EYS: variants seen among roughly 807,000 people sequenced by gnomAD.
EYS encodes the protein EGF-like photoreceptor maintenance factor, also known as protein eyes shut homolog.
EYS carries 250 observed loss-of-function variants against 282.1 expected under a neutral mutation model. The observed-to-expected ratio is 0.89, with a 90% CI of 0.80 to 0.98. EYS has a LOEUF of 0.98. EYS is among the 50% of genes least tolerant of loss of function. The pLI is 0.00. For missense variants in EYS, 4,016 were observed against 3,709.0 expected (o/e 1.08, Z -2.15); for synonymous variants, 1,355 against 1,282.9 (o/e 1.06, Z -1.20).
intron 12 of EYS, among the ~76,000 whole-genome samples, chr6:65,278,060 T>TTCTTTTCTTTTCTTTTC: frequency 1.4e-5 from 2 of 142,808 alleles, no homozygotes; most frequent in South Asian, 2.2e-4. Context: ...TTCTTTTCTT[T>TTCTTTTCTTTTCTTTTC]TTTTCTGCCT....
intron 12 of EYS, among the ~76,000 whole-genome samples, chr6:65,221,037 C>T (rs1169719154): frequency 6.6e-6 from 1 of 152,124 alleles, no homozygotes; most frequent in Non-Finnish European, 1.5e-5. Flanking sequence ...CAAGAAGTGA[C>T]TTGGGTACTG....
intron 5 of EYS, among the ~76,000 whole-genome samples, chr6:65,476,699 C>T (rs557581208): frequency 3.3e-5 from 5 of 152,036 alleles, no homozygotes; most frequent in Non-Finnish European, 5.9e-5. Flanking sequence ...GCCTCAGCCT[C>T]CCGAGTAGCT....
chr6:64,849,836 T>G (rs986964889), intron 19 of EYS, among the ~76,000 whole-genome samples: 2 of 151,774 alleles, frequency 1.3e-5, no homozygotes, highest in Admixed American at 6.6e-5. Flanking sequence ...CTTCCCCTTA[T>G]GTTCACCAGC....
At chr6:65,255,861 A>C (rs373067929) in intron 12 of EYS, among the ~76,000 whole-genome samples, 2 of 152,108 alleles carry the variant, frequency 1.3e-5, no homozygotes, top group African/African-American at 2.4e-5. Flanking sequence ...AATGCTGATG[A>C]GGATGTGAGG....
chr6:64,920,915 G>A (rs1004396759), intron 15 of EYS, among the ~76,000 whole-genome samples: 2 of 152,058 alleles, frequency 1.3e-5, no homozygotes, highest in African/African-American at 4.8e-5. Context: ...AGCATGTCAG[G>A]TGTTTCATAT....
rs899388799 is a variant in EYS at position 64,936,530 on chromosome 6, C to T, written c.2381+9263G>A. ...TCTCCATTATCAGATATTAAAAATCCTAAGGAATCGACCAAAAATTATTAT... is the reference window on the plus strand; with the variant it reads ...TCTCCATTATCAGATATTAAAAATCTTAAGGAATCGACCAAAAATTATTAT... On this transcript the variant is annotated intron_variant, in intron 15 of 42. Coordinates refer to ENST00000503581, the MANE Select transcript of EYS (RefSeq NM_001142800.2). 2.6e-5 allele frequency among the ~76,000 whole-genome samples: 4 copies of T among 151,286 alleles called. No homozygotes were observed. In the Admixed American group the frequency reaches 2.6e-4, roughly 10 times the overall value.
chr6:63,874,517 T>A (rs1241620525), intron 35 of EYS, among the ~76,000 whole-genome samples: 3 of 152,242 alleles, frequency 2.0e-5, no homozygotes, highest in Non-Finnish European at 4.4e-5. Flanking sequence ...AGTAGTTTTT[T>A]TCCAATTCTG....
chr6:64,552,220 C>T (rs1182962072), intron 26 of EYS, among the ~76,000 whole-genome samples: 11 of 152,148 alleles, frequency 7.2e-5, no homozygotes, highest in African/African-American at 1.7e-4. Context: ...AACCTTAAGA[C>T]GGACAGAACA....
intron 10 of EYS, among the ~76,000 whole-genome samples, chr6:65,340,720 A>T (rs985528220): frequency 1.3e-5 from 2 of 151,210 alleles, no homozygotes; most frequent in Admixed American, 6.6e-5. Flanking sequence ...CATCTGATGC[A>T]CTACTAAGAC....
At chr6:65,109,410 T>C (rs1351469731) in intron 12 of EYS, among the ~76,000 whole-genome samples, 1 of 152,138 alleles carries the variant, frequency 6.6e-6, no homozygotes, top group Non-Finnish European at 1.5e-5. Flanking sequence ...ATTTTTTGTT[T>C]GTTTGTTTTG....
At chr6:65,393,164 G>T (rs1027221529) in intron 7 of EYS, among the ~76,000 whole-genome samples, 2 of 150,848 alleles carry the variant, frequency 1.3e-5, no homozygotes, top group African/African-American at 4.9e-5. Context: ...ACACTCTGGG[G>T]ACTGTTGTGG....
chr6:65,380,429 T>C (rs542522222), intron 8 of EYS, among the ~76,000 whole-genome samples: 33 of 152,210 alleles, frequency 2.2e-4, no homozygotes, highest in African/African-American at 7.9e-4. Context: ...TGCAGAAAAC[T>C]GAAACTGGAC....
chr6:65,309,723 A>G (rs1769104551), intron 11 of EYS, among the ~76,000 whole-genome samples: 1 of 152,184 alleles, frequency 6.6e-6, no homozygotes, highest in African/African-American at 2.4e-5. Flanking sequence ...ATCTCAGTTA[A>G]TAGCAACCAA....
intron 35 of EYS, among the ~76,000 whole-genome samples, chr6:63,910,044 A>C (rs1342015874): frequency 6.6e-6 from 1 of 152,210 alleles, no homozygotes. Flanking sequence ...TTGTTGCTTA[A>C]GGGGTGGACG....
chr6:64,417,719 G>A (rs905584586), intron 28 of EYS, among the ~76,000 whole-genome samples: 14 of 133,088 alleles, frequency 1.1e-4, no homozygotes, highest in African/African-American at 4.0e-4. Context: ...TGCCCAGGCT[G>A]GAGCGCAGTG....
intron 26 of EYS, among the ~76,000 whole-genome samples, chr6:64,521,699 C>T (rs949385699): frequency 5.9e-5 from 9 of 151,766 alleles, no homozygotes; most frequent in African/African-American, 2.2e-4. Flanking sequence ...TAATGCAGCA[C>T]ATCTAATTTG....
intron 8 of EYS, among the ~76,000 whole-genome samples, chr6:65,355,780 A>G (rs1216098129): frequency 6.6e-6 from 1 of 152,130 alleles, no homozygotes; most frequent in Non-Finnish European, 1.5e-5. Flanking sequence ...ATAATGAGAC[A>G]TCATCTTATA....
At chr6:64,657,671 T>A in intron 22 of EYS, among the ~76,000 whole-genome samples, 1 of 152,182 alleles carries the variant, frequency 6.6e-6, no homozygotes, top group Non-Finnish European at 1.5e-5. Flanking sequence ...TTAAGAATGT[T>A]GAATATTGGC....
intron 1 of EYS, among the ~76,000 whole-genome samples, chr6:65,703,258 A>G (rs997155469): frequency 6.6e-6 from 1 of 152,132 alleles, no homozygotes; most frequent in African/African-American, 2.4e-5. Flanking sequence ...TACTCTGGAG[A>G]ATTCTGACTA....
Sources: allele counts gnomAD v4.1 joint callset (sites outside exome capture counted in the v4.1 genomes callset), GRCh38; gene constraint gnomAD v4.1.1; transcripts MANE v1.5; gene names NCBI Gene and HGNC (gene_info 2026-07-23, HGNC 2026-07-21).